SIX1: variants seen among roughly 807,000 people sequenced by gnomAD.
The protein encoded by SIX1 is SIX homeobox 1, also known as homeobox protein SIX1.
Under a neutral mutation model 26.5 loss-of-function variants are expected in SIX1, and 11 were observed. The observed-to-expected ratio is 0.41, with a 90% CI of 0.26 to 0.69. SIX1 has a LOEUF of 0.69. SIX1 is among the 30% of genes least tolerant of loss of function. The probability of loss-of-function intolerance (pLI) is 0.28; values close to 1 mark genes in which losing one functional copy is unlikely to be tolerated. For synonymous variants in SIX1, 177 were observed against 166.2 expected (o/e 1.06, Z -0.50); for missense variants, 333 against 365.9 (o/e 0.91, Z 0.73).
Position 60,647,497 on chromosome 14 carries a change from G to GCTCGTCAGTCCTCCCGACTC in SIX1, c.561-940_561-921dup, listed in dbSNP as rs1442179739. Among the ~76,000 whole-genome samples the GCTCGTCAGTCCTCCCGACTC allele has an allele frequency of 1.3e-5, 2 of 152,140 alleles. No homozygotes were observed. The highest frequency in any genetic ancestry group is 4.8e-5 in the African/African-American group (2 of 41,430). ...CCCTCGCCGCTTCCGCCTTCCGAGT[G>GCTCGTCAGTCCTCCCGACTC]CTCGTCAGTCCTCCCGACTCCTAGC... On this transcript the variant is annotated intron_variant, in intron 1 of 1. Coordinates refer to ENST00000645694, the MANE Select transcript of SIX1 (RefSeq NM_005982.4). This position sits in a 1 kb window ranked among gnomAD's most constrained non-coding sequence, Gnocchi z 5.1.
Position 60,648,810 on chromosome 14 carries a change from G to A in SIX1, c.380C>T (p.Thr127Ile), listed in dbSNP as rs1895002837. The A allele has an allele frequency of 6.2e-7, 1 of 1,614,218 alleles. No homozygotes were observed. The highest frequency in any genetic ancestry group is 1.1e-5 in the South Asian group (1 of 91,088). Residue 127 changes from threonine to isoleucine, a missense_variant, in exon 1 of 2, where the codon ACC (threonine) becomes ATC (isoleucine). Physicochemically the swap from Thr to Ile is moderately conservative, Grantham distance 89. This residue lies in a region of SIX1 where 199 missense variants were observed against 215.2 expected (regional missense o/e 0.92). Transcript: ENST00000645694. The surrounding 1 kb of genome is among the most constrained non-coding windows in gnomAD (Gnocchi z 7.9). ...CGACTTCTCCTTGAAGCAGTAGCTG[G>A]TCTCCTCGCCGTCCCAGATGGTGCG... Reference protein sequence around the residue: ...LPRTIWDGEETSYCFKEKSRG... With the variant: ...LPRTIWDGEEISYCFKEKSRG...
chr14:60,649,212 C>T lies in SIX1; in HGVS notation c.-23G>A. 1 of 1,598,604 alleles carries T rather than the reference C, an allele frequency of 6.3e-7. No individual in the cohort carries two copies. Among genetic ancestry groups the T allele is most frequent in the Non-Finnish European group, 8.5e-7 (1 of 1,177,434 alleles). ...CATGGCTGGGGCCTGCCGGGGCGCA[C>T]GGCCCAGGCGCACGCGGCAGGGAGC... On this transcript the variant is annotated 5_prime_UTR_variant, in exon 1 of 2. The change creates a new upstream start codon in the 5' untranslated region. Coordinates refer to ENST00000645694, the MANE Select transcript of SIX1 (RefSeq NM_005982.4). The surrounding 1 kb of genome is among the most constrained non-coding windows in gnomAD (Gnocchi z 5.1).
rs1174138614 is a variant in SIX1 at position 60,647,424 on chromosome 14, G to A, written c.561-847C>T. Among the ~76,000 whole-genome samples, 2 of 152,180 alleles carry A rather than the reference G, an allele frequency of 1.3e-5. No individual in the cohort carries two copies. The highest frequency in any genetic ancestry group is 3.9e-4 in the East Asian group (2 of 5,190). ...GGCTGCCAGCGGGCGCGGCGCGCTGGGGCGTCAGTCCGGGCACTCGGTACC... is the reference window on the plus strand; with the variant it reads ...GGCTGCCAGCGGGCGCGGCGCGCTGAGGCGTCAGTCCGGGCACTCGGTACC... On this transcript the variant is annotated intron_variant, in intron 1 of 1. Transcript: ENST00000645694. The surrounding 1 kb of genome is among the most constrained non-coding windows in gnomAD (Gnocchi z 5.1).
At position 60,644,678 on chromosome 14, in the gene SIX1, AAAGCAC is replaced by A. The variant is rs1415711921; in HGVS notation, c.*1599_*1604del. The A allele has an allele frequency of 1.3e-5, 2 of 152,386 alleles. No individual in the cohort carries two copies. The highest frequency in any genetic ancestry group is 2.9e-5 in the Non-Finnish European group (2 of 68,042). The allele number at this position is 152,386 out of a possible 1,614,324, so 9.4% of individuals were successfully genotyped here. ...TTCTCCCTGGGGAACAATATTTTAC[AAAGCAC>A]AAGCAAGCCAATCCTGTTATCCTGA... On this transcript the variant is annotated 3_prime_UTR_variant, in exon 2 of 2. Transcript: ENST00000645694.
At position 60,648,675 on chromosome 14, in the gene SIX1, A is replaced by C. The variant is rs1033334195; in HGVS notation, c.515T>G (p.Phe172Cys). ...GLTTTQVSNW[F>C]KNRRQRDRAA... is the part of the protein sequence containing the mutation. ...CCGGTCTCTTTGCCTCCGGTTCTTA[A>C]ACCAGTTGCTGACCTGGGTGGTGGT... The change falls in exon 1 of 2, where the codon TTT becomes TGT. Residue 172 changes from phenylalanine (F) to cysteine (C), a missense_variant. Phe to Cys is a radical substitution (Grantham distance 205). Around this residue, in one of 3 missense-constraint regions of SIX1, gnomAD observed 199 missense variants for 215.2 expected, o/e 0.92. Coordinates refer to ENST00000645694, the MANE Select transcript of SIX1 (RefSeq NM_005982.4). The surrounding 1 kb of genome is among the most constrained non-coding windows in gnomAD (Gnocchi z 7.9). 6.2e-7 allele frequency: 1 copy of C among 1,613,930 alleles called. No homozygotes were observed. The highest frequency in any genetic ancestry group is 8.5e-7 in the Non-Finnish European group (1 of 1,179,990).
In SIX1 at chr14:60,646,399, A is replaced by T; in HGVS notation, c.739T>A (p.Ser247Thr). The T allele has an allele frequency of 6.2e-7, 1 of 1,613,944 alleles. No individual in the cohort carries two copies. The highest frequency in any genetic ancestry group is 8.5e-7 in the Non-Finnish European group (1 of 1,179,996). The change falls in exon 2 of 2, where the codon TCT becomes ACT. Residue 247 changes from serine (S) to threonine (T), a missense_variant. Transcript: ENST00000645694. ...TGCGAGGCTGTTAAGCCCGGGAGAGAATAGTTTGAGCTCCTGGCGTGGCCC... is the reference window on the plus strand; with the variant it reads ...TGCGAGGCTGTTAAGCCCGGGAGAGTATAGTTTGAGCTCCTGGCGTGGCCC... ...NMGHARSSNY[S>T]LPGLTASQPS... is the part of the protein sequence containing the mutation.
At position 60,649,281 on chromosome 14, in the gene SIX1, G is replaced by C; in HGVS notation, c.-92C>G. On this transcript the variant is annotated 5_prime_UTR_variant, in exon 1 of 2. Coordinates refer to ENST00000645694, the MANE Select transcript of SIX1 (RefSeq NM_005982.4). This position sits in a 1 kb window ranked among gnomAD's most constrained non-coding sequence, Gnocchi z 5.1. Reference sequence around the variant, plus strand: ...GCGGCGGCCGCAGGGAGGGGGGCGCGGCTGTTCCTAACCTCCTCCTTAGGC... The same window carrying C: ...GCGGCGGCCGCAGGGAGGGGGGCGCCGCTGTTCCTAACCTCCTCCTTAGGC... 1 of 1,182,710 alleles carries C rather than the reference G, an allele frequency of 8.5e-7. No homozygotes were observed. 73.3% of individuals were successfully genotyped at this position (1,182,710 alleles called of 1,614,324 possible).
At position 60,647,992 on chromosome 14, in the gene SIX1, A is replaced by G. The variant is rs1213184902; in HGVS notation, c.560+638T>C. On this transcript the variant is annotated intron_variant, in intron 1 of 1. Coordinates refer to ENST00000645694, the MANE Select transcript of SIX1 (RefSeq NM_005982.4). This position sits in a 1 kb window ranked among gnomAD's most constrained non-coding sequence, Gnocchi z 5.1. ...GGGCCACGCGCGAGCGAGCACGGCG[A>G]GGATCAACCCTTTCTTAATTTGGGG... Among the ~76,000 whole-genome samples, 1 of 152,240 alleles carries G rather than the reference A, an allele frequency of 6.6e-6. No homozygotes were observed. The highest frequency in any genetic ancestry group is 1.9e-4 in the East Asian group (1 of 5,192).
chr14:60,647,169 C>T lies in SIX1; in HGVS notation c.561-592G>A, dbSNP rs954131887. ...GTGGTGCCCAGCGCGGCCCAGTGAC[C>T]TGAGTAAACACAGGGAGCGCAGCCA... On this transcript the variant is annotated intron_variant, in intron 1 of 1. Transcript: ENST00000645694. This position sits in a 1 kb window ranked among gnomAD's most constrained non-coding sequence, Gnocchi z 5.1. Among the ~76,000 whole-genome samples the T allele has an allele frequency of 6.6e-6, 1 of 152,210 alleles. No homozygotes were observed.
rs1286824463 is a variant in SIX1 at position 60,646,513 on chromosome 14, C to T, written c.625G>A (p.Gly209Ser). The T allele has an allele frequency of 6.2e-7, 1 of 1,613,338 alleles. No individual in the cohort carries two copies. The highest frequency in any genetic ancestry group is 8.5e-7 in the Non-Finnish European group (1 of 1,179,956). Residue 209 changes from glycine (G) to serine (S), a missense_variant, in exon 2 of 2, where the codon GGC becomes AGC. Coordinates refer to ENST00000645694, the MANE Select transcript of SIX1 (RefSeq NM_005982.4). ...TCTGAGCTGGACATGAGCGGCTTGC[C>T]CCCTTCCAGAGGAGAGAGTTGGTTC... is the stretch of plus-strand genomic sequence containing the variant. ...KQNQLSPLEG[G>S]KPLMSSSEEE...
chr14:60,644,768 G>C lies in SIX1; in HGVS notation c.*1515C>G, dbSNP rs946413885. On this transcript the variant is annotated 3_prime_UTR_variant, in exon 2 of 2. Coordinates refer to ENST00000645694, the MANE Select transcript of SIX1 (RefSeq NM_005982.4). The stretch of plus-strand genomic sequence containing the variant: ...CTAATTTTAAAAGCTAAATACAGAA[G>C]ATACATCATTTTGCCCCAGGCAAAA... The C allele has an allele frequency of 1.3e-5, 2 of 152,134 alleles. No individual in the cohort carries two copies. The highest frequency in any genetic ancestry group is 2.9e-5 in the Non-Finnish European group (2 of 68,024). 9.4% of individuals were successfully genotyped at this position (152,134 alleles called of 1,614,324 possible).
Position 60,643,576 on chromosome 14 carries a change from A to T in SIX1, c.*2707T>A, listed in dbSNP as rs912630719. 4 of 152,196 alleles carry T rather than the reference A, an allele frequency of 2.6e-5. No homozygotes were observed. Among genetic ancestry groups the T allele is most frequent in the Non-Finnish European group, 5.9e-5 (4 of 68,032 alleles). The allele number at this position is 152,196 out of a possible 1,614,324, so 9.4% of individuals were successfully genotyped here. On this transcript the variant is annotated 3_prime_UTR_variant, in exon 2 of 2. Coordinates refer to ENST00000645694, the MANE Select transcript of SIX1 (RefSeq NM_005982.4). ...GATTCAGTTAAACTGCGACGCCCAG[A>T]AGGTAAACTGGAGGTCCCTTAACAG...
Position 60,646,094 on chromosome 14 carries a change from G to A in SIX1, c.*189C>T, listed in dbSNP as rs576067443. On this transcript the variant is annotated 3_prime_UTR_variant, in exon 2 of 2. Transcript: ENST00000645694. ...GTGGAAAGAGTTGGAGAGAAGAGGAGATTAAGCTTGAGATCGCTGTTGGTT... is the reference window on the plus strand; with the variant it reads ...GTGGAAAGAGTTGGAGAGAAGAGGAAATTAAGCTTGAGATCGCTGTTGGTT... The A allele has an allele frequency of 2.6e-4, 150 of 573,732 alleles. 1 individual carries two copies. In the South Asian group the frequency reaches 3.5e-3, roughly 14 times the overall value. The allele number at this position is 573,732 out of a possible 1,614,324, so 35.5% of individuals were successfully genotyped here. A position where few individuals can be genotyped will look rare whatever the true frequency, so the allele number is the denominator to read the frequency against.
chr14:60,647,490 TCCGAGTGCTCGTCAGTCCTC>T lies in SIX1; in HGVS notation c.561-933_561-914del, dbSNP rs1894969460. ...TTCGCTTCCCTCGCCGCTTCCGCCTTCCGAGTGCTCGTCAGTCCTCCCGACTCCTAGCGCCTGTCTGTCTC... is the reference window on the plus strand; with the variant it reads ...TTCGCTTCCCTCGCCGCTTCCGCCTTCCGACTCCTAGCGCCTGTCTGTCTC... On this transcript the variant is annotated intron_variant, in intron 1 of 1. Coordinates refer to ENST00000645694, the MANE Select transcript of SIX1 (RefSeq NM_005982.4). This position sits in a 1 kb window ranked among gnomAD's most constrained non-coding sequence, Gnocchi z 5.1. 6.6e-6 allele frequency among the ~76,000 whole-genome samples: 1 copy of T among 152,154 alleles called. No individual in the cohort carries two copies. The highest frequency in any genetic ancestry group is 6.5e-5 in the Admixed American group (1 of 15,288).
rs747274676 is a variant in SIX1, at chr14:60,645,150, T to G, written c.*1133A>C. On this transcript the variant is annotated 3_prime_UTR_variant, in exon 2 of 2. Transcript: ENST00000645694. This position sits in a 1 kb window ranked among gnomAD's most constrained non-coding sequence, Gnocchi z 4.6. Reference sequence around the variant, plus strand: ...CTACTCTTGGTTCAGATGATGGCCTTCAAAGTACCCTGCAATTCACAGCCA... The same window carrying G: ...CTACTCTTGGTTCAGATGATGGCCTGCAAAGTACCCTGCAATTCACAGCCA... 1 of 151,920 alleles carries G rather than the reference T, an allele frequency of 6.6e-6. No individual in the cohort carries two copies. Among genetic ancestry groups the G allele is most frequent in the Non-Finnish European group, 1.5e-5 (1 of 67,998 alleles). The allele number at this position is 151,920 out of a possible 1,614,324, so 9.4% of individuals were successfully genotyped here. A position where few individuals can be genotyped will look rare whatever the true frequency, so the allele number is the denominator to read the frequency against.
In SIX1 at chr14:60,648,624, G is replaced by C. The variant is rs753149673; in HGVS notation, c.560+6C>G. ...TCGCCCGAGTCGCGGGAAGCACGCCGCGTACCTTTCCTTGGCCTCCGCGGC... is the reference window on the plus strand; with the variant it reads ...TCGCCCGAGTCGCGGGAAGCACGCCCCGTACCTTTCCTTGGCCTCCGCGGC... On this transcript the variant is annotated splice_donor_region_variant and intron_variant, in intron 1 of 1. Transcript: ENST00000645694. The surrounding 1 kb of genome is among the most constrained non-coding windows in gnomAD (Gnocchi z 7.9). 2 of 1,609,520 alleles carry C rather than the reference G, an allele frequency of 1.2e-6. No homozygotes were observed. The highest frequency in any genetic ancestry group is 3.4e-5 in the Admixed American group (2 of 59,260).
chr14:60,648,701 G>A lies in SIX1; in HGVS notation c.489C>T (p.Leu163=). Residue 163 remains leucine, a synonymous_variant, in exon 1 of 2, where the codon CTC becomes CTT. Coordinates refer to ENST00000645694, the MANE Select transcript of SIX1 (RefSeq NM_005982.4). This position sits in a 1 kb window ranked among gnomAD's most constrained non-coding sequence, Gnocchi z 7.9. ...ACCAGTTGCTGACCTGGGTGGTGGT[G>A]AGGCCGGTGGCCTCGGCCAGCTCCC... ...EKRELAEATG[L]TTTQVSNWFK... 1 of 1,614,028 alleles carries A rather than the reference G, an allele frequency of 6.2e-7. No homozygotes were observed. Among genetic ancestry groups the A allele is most frequent in the Non-Finnish European group, 8.5e-7 (1 of 1,179,908 alleles).
At position 60,644,069 on chromosome 14, in the gene SIX1, A is replaced by C. The variant is rs1021913712; in HGVS notation, c.*2214T>G. The C allele has an allele frequency of 3.3e-5, 5 of 152,172 alleles. No homozygotes were observed. Among genetic ancestry groups the C allele is most frequent in the Admixed American group, 2.6e-4 (4 of 15,282 alleles). 9.4% of individuals were successfully genotyped at this position (152,172 alleles called of 1,614,324 possible). ...AGTGGAGGGTAGTCACCGGAGTAGG[A>C]AGAGACGGCATGTAAGAAATTAAAG... On this transcript the variant is annotated 3_prime_UTR_variant, in exon 2 of 2. Coordinates refer to ENST00000645694, the MANE Select transcript of SIX1 (RefSeq NM_005982.4).
chr14:60,649,254 G>C lies in SIX1; in HGVS notation c.-65C>G. The stretch of plus-strand genomic sequence containing the variant: ...GCAGGGAGCAGAGCCGAGAGGCAGG[G>C]GGCGGCGGCCGCAGGGAGGGGGGCG... On this transcript the variant is annotated 5_prime_UTR_variant, in exon 1 of 2. Transcript: ENST00000645694. This position sits in a 1 kb window ranked among gnomAD's most constrained non-coding sequence, Gnocchi z 5.1. 1 of 1,490,876 alleles carries C rather than the reference G, an allele frequency of 6.7e-7. No individual in the cohort carries two copies. The highest frequency in any genetic ancestry group is 9.1e-7 in the Non-Finnish European group (1 of 1,099,718). 92.4% of individuals were successfully genotyped at this position (1,490,876 alleles called of 1,614,324 possible).
Sources: allele counts gnomAD v4.1 joint callset (sites outside exome capture counted in the v4.1 genomes callset), GRCh38; gene constraint gnomAD v4.1.1; regional missense constraint gnomAD v4.1.1; non-coding constraint Gnocchi (gnomAD v3.1); transcripts MANE v1.5; gene names NCBI Gene and HGNC (gene_info 2026-07-23, HGNC 2026-07-21).